PPARGC1A: variants seen among roughly 807,000 people sequenced by gnomAD.
PPARGC1A encodes the protein PPARG coactivator 1 alpha, also known as peroxisome proliferator-activated receptor gamma coactivator 1-alpha.
A neutral mutation model predicts 88.7 loss-of-function variants in PPARGC1A; 25 were observed. The ratio of observed to expected loss-of-function variants is 0.28; its 90% CI spans 0.21 to 0.39. The LOEUF is 0.39. Among genes scored for constraint, PPARGC1A ranks in the 10% least tolerant of loss-of-function variants. The pLI, the probability that PPARGC1A is intolerant of heterozygous loss-of-function variation, is 1.00. For synonymous variants in PPARGC1A, 363 were observed against 355.6 expected (o/e 1.02, Z -0.24); for missense variants, 880 against 968.7 (o/e 0.91, Z 1.22).
the PPARGC1A span, among the ~76,000 whole-genome samples, chr4:23,985,847 C>T: frequency 3.7e-4 from 56 of 151,970 alleles, 2 homozygotes; most frequent in African/African-American, 1.3e-3. Flanking sequence ...CATACCCTAC[C>T]CAGTTTTTTA....
At chr4:24,449,961 A>G in the PPARGC1A span, among the ~76,000 whole-genome samples, 1 of 152,300 alleles carries the variant, frequency 6.6e-6, no homozygotes, top group Non-Finnish European at 1.5e-5. Flanking sequence ...TGTGCAAATC[A>G]GGAAAGAAAT....
the PPARGC1A span, among the ~76,000 whole-genome samples, chr4:24,109,119 C>T: frequency 2.7e-5 from 4 of 149,542 alleles, no homozygotes; most frequent in African/African-American, 9.9e-5. Flanking sequence ...CATTTTTTTA[C>T]CCTAGGCTGA....
At position 23,842,608 on chromosome 4, in the gene PPARGC1A, T is replaced by C. The variant is rs118039591; in HGVS notation, c.235-10857A>G. ...GTTTTGGGGGCTGTCCTGTGTGTTTTAGAATGCTTAACAGCATCCCTGGCC... is the reference window on the plus strand; with the variant it reads ...GTTTTGGGGGCTGTCCTGTGTGTTTCAGAATGCTTAACAGCATCCCTGGCC... On this transcript the variant is annotated intron_variant, in intron 2 of 12. Coordinates refer to ENST00000264867, the MANE Select transcript of PPARGC1A (RefSeq NM_013261.5). Among the ~76,000 whole-genome samples the C allele has an allele frequency of 1.9e-3, 287 of 152,186 alleles. 2 individuals are homozygous for C. The highest frequency in any genetic ancestry group is 5.8e-3 in the East Asian group (30 of 5,174).
rs1717096369 is a variant in PPARGC1A at position 23,794,049 on chromosome 4, C to T, written c.*1773G>A. The T allele has an allele frequency of 6.6e-6, 1 of 152,424 alleles. No homozygotes were observed. The highest frequency in any genetic ancestry group is 2.1e-4 in the South Asian group (1 of 4,818). The allele number at this position is 152,424 out of a possible 1,614,324, so 9.4% of individuals were successfully genotyped here. A position where few individuals can be genotyped will look rare whatever the true frequency, so the allele number is the denominator to read the frequency against. ...GATAAATACCATCGTCATACTCTGC[C>T]AAGGGAAAGAAATACTGGCTTCAAA... On this transcript the variant is annotated 3_prime_UTR_variant, in exon 13 of 13. Transcript: ENST00000264867.
the PPARGC1A span, among the ~76,000 whole-genome samples, chr4:24,274,509 G>A: frequency 2.0e-5 from 3 of 152,216 alleles, no homozygotes; most frequent in East Asian, 1.9e-4. Flanking sequence ...GTAAACAAAT[G>A]AGCATGGCTG....
At chr4:23,835,575 C>T (rs1406985397) in intron 2 of PPARGC1A, among the ~76,000 whole-genome samples, 1 of 151,366 alleles carries the variant, frequency 6.6e-6, no homozygotes, top group East Asian at 1.9e-4. Context: ...TGATTATTTA[C>T]GGTCTGTATC....
At chr4:23,869,728 A>G (rs1712872516) in intron 2 of PPARGC1A, among the ~76,000 whole-genome samples, 1 of 152,208 alleles carries the variant, frequency 6.6e-6, no homozygotes, top group African/African-American at 2.4e-5. Context: ...CGTATGCTCC[A>G]GATGAATATT....
intron 2 of PPARGC1A, among the ~76,000 whole-genome samples, chr4:23,832,849 A>T (rs2148557710): frequency 6.8e-6 from 1 of 147,476 alleles, no homozygotes; most frequent in South Asian, 2.2e-4. Context: ...TGACCTCGTG[A>T]TCCACCCACC....
the PPARGC1A span, among the ~76,000 whole-genome samples, chr4:24,059,044 A>G: frequency 6.6e-6 from 1 of 152,140 alleles, no homozygotes; most frequent in African/African-American, 2.4e-5. Flanking sequence ...GGTAGGTAGT[A>G]TTTTGTGGTG....
At chr4:23,953,361 C>A in the PPARGC1A span, among the ~76,000 whole-genome samples, 1 of 152,074 alleles carries the variant, frequency 6.6e-6, no homozygotes, top group African/African-American at 2.4e-5. Context: ...AGTATTACTC[C>A]GTACTATTCC....
At chr4:24,320,762 T>C in the PPARGC1A span, among the ~76,000 whole-genome samples, 2 of 152,178 alleles carry the variant, frequency 1.3e-5, no homozygotes, top group African/African-American at 4.8e-5. Flanking sequence ...GAGACCCTCT[T>C]ACAGATTCGA....
the PPARGC1A span, among the ~76,000 whole-genome samples, chr4:24,050,912 G>A: frequency 2.6e-5 from 4 of 152,102 alleles, no homozygotes; most frequent in African/African-American, 7.2e-5. Context: ...TCTGGGCCGG[G>A]CGCAGTGGCT....
the PPARGC1A span, among the ~76,000 whole-genome samples, chr4:24,068,826 TGA>T: frequency 6.6e-6 from 1 of 152,186 alleles, no homozygotes; most frequent in African/African-American, 2.4e-5. Context: ...TACTTCATCA[TGA>T]GAGAGTTCAC....
chr4:24,080,063 G>A, the PPARGC1A span, among the ~76,000 whole-genome samples: 1 of 151,860 alleles, frequency 6.6e-6, no homozygotes, highest in African/African-American at 2.4e-5. Flanking sequence ...TAGAATATTT[G>A]GTCAAGTTTC....
chr4:24,406,286 A>T, the PPARGC1A span, among the ~76,000 whole-genome samples: 1 of 152,202 alleles, frequency 6.6e-6, no homozygotes, highest in Non-Finnish European at 1.5e-5. Flanking sequence ...GCTGCATGTA[A>T]ATAAAGCCAT....
the PPARGC1A span, among the ~76,000 whole-genome samples, chr4:24,433,379 G>A: frequency 2.0e-5 from 3 of 152,128 alleles, no homozygotes; most frequent in East Asian, 1.9e-4. Flanking sequence ...GGCAATTCTC[G>A]GGAGGGAGAC....
intron 12 of PPARGC1A, among the ~76,000 whole-genome samples, chr4:23,797,679 C>G (rs1335939035): frequency 6.6e-6 from 1 of 151,758 alleles, no homozygotes; most frequent in Non-Finnish European, 1.5e-5. Flanking sequence ...TATATACCCA[C>G]TTATACAGGC....
chr4:24,115,336 A>G, the PPARGC1A span, among the ~76,000 whole-genome samples: 1 of 152,184 alleles, frequency 6.6e-6, no homozygotes, highest in Non-Finnish European at 1.5e-5. Flanking sequence ...GTAAATAATA[A>G]AAGTGCTTGT....
chr4:24,421,330 T>A, the PPARGC1A span, among the ~76,000 whole-genome samples: 1 of 143,270 alleles, frequency 7.0e-6, no homozygotes, highest in African/African-American at 2.5e-5. Flanking sequence ...TTTTTTTTTT[T>A]AATGGAGTCT....
Sources: gnomAD v4.1 joint callset for allele counts (sites outside exome capture counted in the v4.1 genomes callset) on GRCh38, gnomAD v4.1.1 for gene constraint, MANE v1.5 for transcripts, NCBI Gene and HGNC (gene_info 2026-07-23, HGNC 2026-07-21) for gene names.